NFIX: variants seen among roughly 807,000 people sequenced by gnomAD.
The protein encoded by NFIX is nuclear factor 1 X-type.
NFIX carries 2 observed loss-of-function variants against 53.3 expected under a neutral mutation model. The ratio of observed to expected loss-of-function variants is 0.04; its 90% CI spans 0.02 to 0.12. NFIX has a LOEUF of 0.12. NFIX is among the 10% of genes least tolerant of loss of function. NFIX has a pLI of 1.00. For missense variants in NFIX, 310 were observed against 674.5 expected, an observed-to-expected ratio of 0.46 and a Z score of 5.99; for synonymous variants, 244 against 289.0, an observed-to-expected ratio of 0.84 and a Z score of 1.58.
At chr19:13,086,226 T>C (rs1263701266) in intron 8 of NFIX, among the ~76,000 whole-genome samples, 1 of 152,148 alleles carries the variant, frequency 6.6e-6, no homozygotes, top group Non-Finnish European at 1.5e-5. Flanking sequence ...GTGGGGGCCT[T>C]GAATGCCCAA....
intron 1 of NFIX, among the ~76,000 whole-genome samples, chr19:12,997,976 C>G (rs1296120176): frequency 1.3e-5 from 2 of 152,236 alleles, no homozygotes; most frequent in Non-Finnish European, 2.9e-5. Flanking sequence ...GCAGGGAAAC[C>G]CTTCAGCTCT....
Position 13,002,245 on chromosome 19 carries a change from C to T in NFIX, c.27+6381C>T, listed in dbSNP as rs931653460. Among the ~76,000 whole-genome samples, 2 of 151,906 alleles carry T rather than the reference C, an allele frequency of 1.3e-5. No individual in the cohort carries two copies. Among genetic ancestry groups the T allele is most frequent in the Non-Finnish European group, 2.9e-5 (2 of 67,932 alleles). ...CTCTCCTCCCCTCCTCCCCTCCTCC[C>T]GCTCCCTCTCTCCCTCTCTCTCTCC... On this transcript the variant is annotated intron_variant, in intron 1 of 10. Coordinates refer to ENST00000592199, the MANE Select transcript of NFIX (RefSeq NM_001365902.3). This position sits in a 1 kb window ranked among gnomAD's most constrained non-coding sequence, Gnocchi z 6.1.
At chr19:13,008,154 A>G (rs1360070222) in intron 1 of NFIX, among the ~76,000 whole-genome samples, 2 of 152,118 alleles carry the variant, frequency 1.3e-5, no homozygotes, top group Non-Finnish European at 2.9e-5. Context: ...GGGTTTCGCC[A>G]TGTTGGGAAA....
chr19:13,013,401 C>G lies in NFIX; in HGVS notation c.28-11620C>G, dbSNP rs2012483249. ...TCCCCTCGGAAGCCGGTCATAAACC[C>G]GACTTCTCATCACCCGAATTACTTA... On this transcript the variant is annotated intron_variant, in intron 1 of 10. Transcript: ENST00000592199. The surrounding 1 kb of genome is among the most constrained non-coding windows in gnomAD (Gnocchi z 5.9). 6.6e-6 allele frequency among the ~76,000 whole-genome samples: 1 copy of G among 152,168 alleles called. No homozygotes were observed. Among genetic ancestry groups the G allele is most frequent in the South Asian group, 2.1e-4 (1 of 4,828 alleles).
At chr19:12,997,701 G>A (rs765350428) in intron 1 of NFIX, among the ~76,000 whole-genome samples, 16 of 152,242 alleles carry the variant, frequency 1.1e-4, no homozygotes, top group Admixed American at 9.2e-4. Context: ...CCCATGCCAA[G>A]CACGCCAGAC....
In NFIX at chr19:13,068,230, T is replaced by G; in HGVS notation, c.560-4817T>G. The stretch of plus-strand genomic sequence containing the variant: ...GAGCTCTACTGAAGAGGCAGTGTCC[T>G]CTTGGAAACACGCACAAGCACACGT... On this transcript the variant is annotated intron_variant, in intron 2 of 10. Coordinates refer to ENST00000592199, the MANE Select transcript of NFIX (RefSeq NM_001365902.3). This position sits in a 1 kb window ranked among gnomAD's most constrained non-coding sequence, Gnocchi z 4.2. 6.6e-6 allele frequency among the ~76,000 whole-genome samples: 1 copy of G among 152,102 alleles called. No individual in the cohort carries two copies. Among genetic ancestry groups the G allele is most frequent in the East Asian group, 1.9e-4 (1 of 5,170 alleles).
chr19:13,083,650 C>T (rs1219182523), intron 8 of NFIX, among the ~76,000 whole-genome samples: 1 of 152,206 alleles, frequency 6.6e-6, no homozygotes, highest in Non-Finnish European at 1.5e-5. Context: ...CGCAAACAGG[C>T]ACCTTGATTA....
At position 12,996,643 on chromosome 19, in the gene NFIX, C is replaced by T. The variant is rs2011478279; in HGVS notation, c.27+779C>T. On this transcript the variant is annotated intron_variant, in intron 1 of 10. Coordinates refer to ENST00000592199, the MANE Select transcript of NFIX (RefSeq NM_001365902.3). The surrounding 1 kb of genome is among the most constrained non-coding windows in gnomAD (Gnocchi z 5.2). Reference sequence around the variant, plus strand: ...GCGCAAACTTTCTGGCCCCAGCGACCCGGGCTGCTGCGGAGTGGACCCGGC... The same window carrying T: ...GCGCAAACTTTCTGGCCCCAGCGACTCGGGCTGCTGCGGAGTGGACCCGGC... Among the ~76,000 whole-genome samples the T allele has an allele frequency of 6.6e-6, 1 of 152,202 alleles. No individual in the cohort carries two copies. The highest frequency in any genetic ancestry group is 2.1e-4 in the South Asian group (1 of 4,836).
chr19:13,012,474 C>G lies in NFIX; in HGVS notation c.28-12547C>G, dbSNP rs1295433668. ...CCGACCCACCCCCCAAAAAGTGACC[C>G]CGCGCTGGTGGGCATGGAGGACTGT... On this transcript the variant is annotated intron_variant, in intron 1 of 10. Coordinates refer to ENST00000592199, the MANE Select transcript of NFIX (RefSeq NM_001365902.3). This position sits in a 1 kb window ranked among gnomAD's most constrained non-coding sequence, Gnocchi z 5.0. Among the ~76,000 whole-genome samples the G allele has an allele frequency of 6.6e-6, 1 of 152,088 alleles. No homozygotes were observed. The highest frequency in any genetic ancestry group is 6.5e-5 in the Admixed American group (1 of 15,282).
At chr19:13,064,715 C>T (rs539369686) in intron 2 of NFIX, among the ~76,000 whole-genome samples, 63 of 152,290 alleles carry the variant, frequency 4.1e-4, no homozygotes, top group African/African-American at 1.3e-3. Flanking sequence ...TACTCAAGAG[C>T]GTGAGCTCCT....
chr19:13,016,813 C>T (rs1337480017), intron 1 of NFIX, among the ~76,000 whole-genome samples: 3 of 152,140 alleles, frequency 2.0e-5, no homozygotes, highest in East Asian at 1.9e-4. Context: ...GGAGGACGCT[C>T]GGCAGCCCTT....
Position 13,036,396 on chromosome 19 carries a change from T to G in NFIX, c.559+10844T>G, listed in dbSNP as rs1599760151. 6.6e-6 allele frequency among the ~76,000 whole-genome samples: 1 copy of G among 151,176 alleles called. No homozygotes were observed. The highest frequency in any genetic ancestry group is 1.5e-5 in the Non-Finnish European group (1 of 67,824). On this transcript the variant is annotated intron_variant, in intron 2 of 10. Transcript: ENST00000592199. This position sits in a 1 kb window ranked among gnomAD's most constrained non-coding sequence, Gnocchi z 4.7. ...AAGAGCGTCCTCTCCAGGCCAGGGG[T>G]GGGGCTGTGGAAATGAGAAACCGGA...
Position 13,022,407 on chromosome 19 carries a change from A to G in NFIX, c.28-2614A>G, listed in dbSNP as rs987403985. 1.3e-5 allele frequency among the ~76,000 whole-genome samples: 2 copies of G among 152,084 alleles called. No homozygotes were observed. The highest frequency in any genetic ancestry group is 2.4e-5 in the African/African-American group (1 of 41,422). ...CCCCCTTGTCTGAGAGTGCTCCTTC[A>G]GCAGCCAGACCTGGGGGCATCACAA... On this transcript the variant is annotated intron_variant, in intron 1 of 10. Transcript: ENST00000592199. The surrounding 1 kb of genome is among the most constrained non-coding windows in gnomAD (Gnocchi z 4.5).
intron 8 of NFIX, among the ~76,000 whole-genome samples, chr19:13,087,523 G>A (rs1277260037): frequency 6.6e-6 from 1 of 152,000 alleles, no homozygotes; most frequent in Non-Finnish European, 1.5e-5. Context: ...GCCGTCCTTG[G>A]TTAGGTGAAC....
In NFIX at chr19:13,068,333, C is replaced by G. The variant is rs556117493; in HGVS notation, c.560-4714C>G. 1.3e-5 allele frequency among the ~76,000 whole-genome samples: 2 copies of G among 152,038 alleles called. No individual in the cohort carries two copies. The highest frequency in any genetic ancestry group is 3.9e-4 in the East Asian group (2 of 5,170). On this transcript the variant is annotated intron_variant, in intron 2 of 10. Transcript: ENST00000592199. This position sits in a 1 kb window ranked among gnomAD's most constrained non-coding sequence, Gnocchi z 4.2. Reference sequence around the variant, plus strand: ...AAAGGAAGGACAGAGGGAGGGGAGCCAAGGGAGACAGGGAAGTAAGATCAG... The same window carrying G: ...AAAGGAAGGACAGAGGGAGGGGAGCGAAGGGAGACAGGGAAGTAAGATCAG...
At chr19:13,058,045 C>T (rs2015823469) in intron 2 of NFIX, among the ~76,000 whole-genome samples, 1 of 151,960 alleles carries the variant, frequency 6.6e-6, no homozygotes, top group Admixed American at 6.5e-5. Flanking sequence ...GGAACTGGCC[C>T]CACCCCCAGG....
Position 13,022,595 on chromosome 19 carries a change from A to G in NFIX, c.28-2426A>G, listed in dbSNP as rs2012999826. Among the ~76,000 whole-genome samples the G allele has an allele frequency of 7.0e-6, 1 of 143,554 alleles. No individual in the cohort carries two copies. Among genetic ancestry groups the G allele is most frequent in the Non-Finnish European group, 1.5e-5 (1 of 66,280 alleles). 94.2% of individuals were successfully genotyped at this position (143,554 alleles called of 152,430 possible). ...TCGCCCCTGTGTGCTCCATAGGAAG[A>G]AAAAAAAAAAGAAAGAAAGAAATAG... On this transcript the variant is annotated intron_variant, in intron 1 of 10. Transcript: ENST00000592199. The surrounding 1 kb of genome is among the most constrained non-coding windows in gnomAD (Gnocchi z 4.5).
At chr19:13,057,268 TGCAGA>T (rs1243312241) in intron 2 of NFIX, among the ~76,000 whole-genome samples, 2 of 152,130 alleles carry the variant, frequency 1.3e-5, no homozygotes, top group African/African-American at 4.8e-5. Flanking sequence ...GCTGTGCCTG[TGCAGA>T]GCGGGGAGCG....
intron 5 of NFIX, 120 bp from the exon 6 acceptor site, chr19:13,075,415 G>T: frequency 9.0e-7 from 1 of 1,112,530 alleles, no homozygotes; most frequent in South Asian, 1.7e-5. Flanking sequence ...TGCTGCTGTC[G>T]GCCGGCACCA....
Sources: gnomAD v4.1 joint callset for allele counts (sites outside exome capture counted in the v4.1 genomes callset) on GRCh38, gnomAD v4.1.1 for gene constraint, Gnocchi (gnomAD v3.1) non-coding constraint, MANE v1.5 for transcripts, NCBI Gene and HGNC (gene_info 2026-07-23, HGNC 2026-07-21) for gene names.